Variants in SCLT1 observed in about 807,000 individuals in gnomAD.
The protein encoded by SCLT1 is sodium channel-associated protein 1.
A neutral mutation model predicts 112.8 loss-of-function variants in SCLT1; 78 were observed. That is an observed-to-expected ratio of 0.69 (90% CI 0.58 to 0.83). SCLT1 has a LOEUF of 0.83. Ranked by LOEUF, SCLT1 falls within the 40% of genes least tolerant of loss-of-function variation. The pLI is 0.00. For missense variants in SCLT1, 747 were observed against 770.4 expected (o/e 0.97, Z 0.36); for synonymous variants, 257 against 254.7 (o/e 1.01, Z -0.09).
chr4:129,062,336 T>C lies in SCLT1; in HGVS notation c.103-18285A>G, dbSNP rs147861552. ...AAGTTATATGTTGTTCTGGCTATCTTTGTGAGGGGAACAATTGCTAGAGTC... is the reference window on the plus strand; with the variant it reads ...AAGTTATATGTTGTTCTGGCTATCTCTGTGAGGGGAACAATTGCTAGAGTC... On this transcript the variant is annotated intron_variant, in intron 2 of 20. Transcript: ENST00000281142. Among the ~76,000 whole-genome samples, 833 of 152,230 alleles carry C rather than the reference T, an allele frequency of 5.5e-3. 8 individuals carry two copies. The highest frequency in any genetic ancestry group is 0.019 in the African/African-American group (784 of 41,538).
chr4:129,021,113 G>A (rs2126121978), intron 5 of SCLT1, among the ~76,000 whole-genome samples: 1 of 152,308 alleles, frequency 6.6e-6, no homozygotes, highest in African/African-American at 2.4e-5. Flanking sequence ...ATGAACAGAA[G>A]TAGGGTGGGG....
intron 18 of SCLT1, among the ~76,000 whole-genome samples, chr4:128,911,982 T>A (rs1380492): frequency 0.11 from 16,309 of 152,260 alleles, 1,153 homozygotes; most frequent in Middle Eastern, 0.21. Context: ...GGGAAAGCTT[T>A]GATGCTTAAT....
At chr4:128,951,930 T>G (rs768978808) in intron 14 of SCLT1, among the ~76,000 whole-genome samples, 2 of 152,196 alleles carry the variant, frequency 1.3e-5, no homozygotes, top group Non-Finnish European at 2.9e-5. Context: ...AAAGAAAATG[T>G]GATCCCTCTT....
chr4:129,091,352 C>A (rs972079328), intron 1 of SCLT1, among the ~76,000 whole-genome samples: 1 of 151,754 alleles, frequency 6.6e-6, no homozygotes, highest in African/African-American at 2.4e-5. Flanking sequence ...ACTTGTCTTC[C>A]ATGGAACTAT....
At chr4:128,940,024 T>C (rs1301462049) in intron 17 of SCLT1, among the ~76,000 whole-genome samples, 1 of 152,120 alleles carries the variant, frequency 6.6e-6, no homozygotes, top group Non-Finnish European at 1.5e-5. Context: ...TTAAGCTAGA[T>C]ACAGATTTGG....
intron 5 of SCLT1, among the ~76,000 whole-genome samples, chr4:129,033,273 T>C (rs1371805353): frequency 1.3e-5 from 2 of 149,546 alleles, no homozygotes; most frequent in African/African-American, 2.5e-5. Context: ...TTCTCACTCA[T>C]AGGTGGGAGT....
At chr4:129,046,115 C>A (rs1442493542) in intron 2 of SCLT1, among the ~76,000 whole-genome samples, 5 of 152,110 alleles carry the variant, frequency 3.3e-5, no homozygotes, top group African/African-American at 1.2e-4. Context: ...ATAATTCTCA[C>A]AAGGTGAATA....
At chr4:129,046,187 T>G (rs964272310) in intron 2 of SCLT1, among the ~76,000 whole-genome samples, 1 of 152,128 alleles carries the variant, frequency 6.6e-6, no homozygotes, top group Non-Finnish European at 1.5e-5. Context: ...CTTTGCATAT[T>G]GGTATACGTG....
chr4:129,015,255 G>A (rs1402845778), intron 5 of SCLT1, among the ~76,000 whole-genome samples: 1 of 152,110 alleles, frequency 6.6e-6, no homozygotes, highest in Admixed American at 6.5e-5. Flanking sequence ...CATGGGTCCA[G>A]GGGTGGCTGC....
At chr4:129,029,554 C>A (rs1014690946) in intron 5 of SCLT1, among the ~76,000 whole-genome samples, 2 of 151,356 alleles carry the variant, frequency 1.3e-5, no homozygotes, top group African/African-American at 4.9e-5. Context: ...GGAGGGATAG[C>A]ATTAGGAGAT....
At chr4:129,082,262 C>T (rs957163397) in intron 2 of SCLT1, 44 bp downstream of exon 2, 2 of 964,494 alleles carry the variant, frequency 2.1e-6, no homozygotes, top group Admixed American at 4.8e-5. Flanking sequence ...CTGTAGGCAA[C>T]TTCACATGAG....
chr4:128,894,890 C>T (rs1472988472), intron 18 of SCLT1, among the ~76,000 whole-genome samples: 2 of 152,068 alleles, frequency 1.3e-5, no homozygotes, highest in African/African-American at 4.8e-5. Flanking sequence ...GTTGGCCAGG[C>T]TGGTATCAAA....
At chr4:128,903,887 T>C (rs1734504839) in intron 18 of SCLT1, among the ~76,000 whole-genome samples, 1 of 152,186 alleles carries the variant, frequency 6.6e-6, no homozygotes, top group African/African-American at 2.4e-5. Flanking sequence ...AATTGAGAGT[T>C]CCCTGTATCA....
intron 19 of SCLT1, among the ~76,000 whole-genome samples, chr4:128,889,781 A>T (rs926247349): frequency 6.6e-6 from 1 of 152,234 alleles, no homozygotes; most frequent in East Asian, 1.9e-4. Flanking sequence ...ATTGTTAAAC[A>T]GTTTTTCTGG....
intron 18 of SCLT1, among the ~76,000 whole-genome samples, chr4:128,911,336 A>T (rs1735081680): frequency 6.6e-6 from 1 of 152,240 alleles, no homozygotes; most frequent in Non-Finnish European, 1.5e-5. Flanking sequence ...GTACATATAT[A>T]CTGCAGTTAC....
chr4:128,904,343 TC>T (rs1271435494), intron 18 of SCLT1, among the ~76,000 whole-genome samples: 1 of 152,156 alleles, frequency 6.6e-6, no homozygotes, highest in Non-Finnish European at 1.5e-5. Context: ...ATCTTACTCA[TC>T]CTTACAAAAC....
chr4:129,007,490 G>A (rs1162729893), intron 5 of SCLT1, among the ~76,000 whole-genome samples: 5 of 151,968 alleles, frequency 3.3e-5, no homozygotes, highest in East Asian at 3.8e-4. Context: ...TATGGAAACC[G>A]CCTTTTAATC....
At chr4:129,064,363 T>C (rs1420617010) in intron 2 of SCLT1, among the ~76,000 whole-genome samples, 1 of 152,200 alleles carries the variant, frequency 6.6e-6, no homozygotes, top group African/African-American at 2.4e-5. Context: ...TTTCCTTTTA[T>C]GGACCATGCT....
At chr4:128,973,436 G>T (rs904565868) in intron 9 of SCLT1, among the ~76,000 whole-genome samples, 1 of 148,978 alleles carries the variant, frequency 6.7e-6, no homozygotes, top group Non-Finnish European at 1.5e-5. Context: ...GGGGGAGGGA[G>T]AGGGGAGGGG....
Sources: allele counts gnomAD v4.1 joint callset (sites outside exome capture counted in the v4.1 genomes callset), GRCh38; gene constraint gnomAD v4.1.1; transcripts MANE v1.5; gene names NCBI Gene and HGNC (gene_info 2026-07-23, HGNC 2026-07-21).